Variants in PIEZO1 observed in about 807,000 individuals in gnomAD.
PIEZO1 encodes piezo-type mechanosensitive ion channel component 1.
In PIEZO1, 296 loss-of-function variants were observed where a neutral mutation model predicts 297.2. The ratio of observed to expected loss-of-function variants is 1.00; its 90% CI spans 0.91 to 1.10. The LOEUF (loss-of-function observed/expected upper bound fraction) is 1.10, where lower values mean the gene tolerates loss of function less well. PIEZO1 is among the 50% of genes least tolerant of loss of function. The pLI is 0.00. For missense variants in PIEZO1, 5,018 were observed against 3,455.5 expected, an observed-to-expected ratio of 1.45 and a Z score of -11.34; for synonymous variants, 2,427 against 1,507.5, an observed-to-expected ratio of 1.61 and a Z score of -14.13.
Position 88,720,752 on chromosome 16 carries a change from T to C in PIEZO1, c.5669-4A>G. 6.7e-7 allele frequency: 1 copy of C among 1,484,034 alleles called. No homozygotes were observed. 91.9% of individuals were successfully genotyped at this position (1,484,034 alleles called of 1,614,324 possible). On this transcript the variant is annotated splice_region_variant and splice_polypyrimidine_tract_variant and intron_variant, in intron 39 of 50. Transcript: ENST00000301015. Reference sequence around the variant, plus strand: ...TCTTCCTCCCTGTCCTCAGCTTCTGTAGGGAAAAGCTGACTTCTGCCTGGG... The same window carrying C: ...TCTTCCTCCCTGTCCTCAGCTTCTGCAGGGAAAAGCTGACTTCTGCCTGGG...
At position 88,719,537 on chromosome 16, in the gene PIEZO1, T is replaced by C. The variant is rs971022047; in HGVS notation, c.6471+37A>G. ...CTGTCTTAGGGAGAGGGCATATCCC[T>C]GGCCCTTGTCCCGGCCCCCGCCCTG... On this transcript the variant is annotated intron_variant, in intron 44 of 50. Transcript: ENST00000301015. The C allele has an allele frequency of 2.6e-6, 4 of 1,526,278 alleles. 1 individual carries two copies. The highest frequency in any genetic ancestry group is 2.8e-5 in the African/African-American group (2 of 72,600). 94.5% of individuals were successfully genotyped at this position (1,526,278 alleles called of 1,614,324 possible). A position where few individuals can be genotyped will look rare whatever the true frequency, so the allele number is the denominator to read the frequency against.
rs1912021253 is a variant in PIEZO1 at position 88,716,274 on chromosome 16, G to A, written c.7053C>T (p.Val2351=). The change falls in exon 49 of 51, where the codon GTC becomes GTT. Residue 2351 remains valine (V), a synonymous_variant. Transcript: ENST00000301015. ...LLEGTSDQSV[V]IPNLFPKYIR... is the part of the protein sequence containing the mutation. Reference sequence around the variant, plus strand: ...TGTACTTGGGGAAGAGATTAGGGATGACCCTGCAGGGAGGTGCTGGCAGGT... The same window carrying A: ...TGTACTTGGGGAAGAGATTAGGGATAACCCTGCAGGGAGGTGCTGGCAGGT... 1.3e-6 allele frequency: 2 copies of A among 1,488,698 alleles called. No homozygotes were observed. The highest frequency in any genetic ancestry group is 1.4e-5 in the African/African-American group (1 of 71,484). The allele number at this position is 1,488,698 out of a possible 1,614,324, so 92.2% of individuals were successfully genotyped here. A position where few individuals can be genotyped will look rare whatever the true frequency, so the allele number is the denominator to read the frequency against.
rs1419431631 is a variant in PIEZO1 at position 88,734,939 on chromosome 16, C to G, written c.1784G>C (p.Gly595Ala). 2.7e-5 allele frequency: 42 copies of G among 1,550,352 alleles called. No homozygotes were observed. Among genetic ancestry groups the G allele is most frequent in the Non-Finnish European group, 3.6e-5 (41 of 1,146,980 alleles). ...AGMFIVVSFA[G>A]RLVVYKIVYM... Reference sequence around the variant, plus strand: ...GACAATCTTGTAGACCACGAGGCGGCCGGCGAAGCTGACCACGATGAACAT... The same window carrying G: ...GACAATCTTGTAGACCACGAGGCGGGCGGCGAAGCTGACCACGATGAACAT... The change falls in exon 14 of 51, where the codon GGC (glycine) becomes GCC (alanine). Residue 595 changes from glycine to alanine, a missense_variant. By Grantham distance (60) the Gly-to-Ala change is moderately conservative. Coordinates refer to ENST00000301015, the MANE Select transcript of PIEZO1 (RefSeq NM_001142864.4).
chr16:88,741,048 G>C (rs1393171776), intron 5 of PIEZO1: 1 of 155,690 alleles, frequency 6.4e-6, no homozygotes, highest in East Asian at 1.9e-4. Flanking sequence ...TCGCTCCTGG[G>C]GTCCAGGCCC....
chr16:88,765,877 T>A (rs546383725), intron 1 of PIEZO1, among the ~76,000 whole-genome samples: 5 of 152,254 alleles, frequency 3.3e-5, no homozygotes, highest in Admixed American at 1.3e-4. Context: ...TTTCACCATG[T>A]TGGCCAGGCT....
Position 88,715,719 on chromosome 16 carries a change from G to GT in PIEZO1, c.7451_7452insA (p.Phe2485LeufsTer35). The GT allele has an allele frequency of 6.4e-7, 1 of 1,550,422 alleles. No homozygotes were observed. Among genetic ancestry groups the GT allele is most frequent in the Non-Finnish European group, 8.7e-7 (1 of 1,146,926 alleles). On this transcript the variant is annotated frameshift_variant, in exon 51 of 51. Coordinates refer to ENST00000301015, the MANE Select transcript of PIEZO1 (RefSeq NM_001142864.4). LOFTEE classifies it high-confidence loss of function. ...GCTCCCGAGTCTCCCGCACCAGGAA[G>GT]ATGTCCTGGCAGAGCTTGAGGATGC...
intron 21 of PIEZO1, 22 bp from the exon 22 acceptor site, chr16:88,731,932 G>A (rs1597454727): frequency 5.5e-6 from 8 of 1,464,734 alleles, no homozygotes; most frequent in East Asian, 2.6e-5. Context: ...AGAGGGCGGG[G>A]TGTGGGGATG....
chr16:88,747,603 G>C lies in PIEZO1; in HGVS notation c.160+1781C>G, dbSNP rs533590033. Among the ~76,000 whole-genome samples, 22 of 152,296 alleles carry C rather than the reference G, an allele frequency of 1.4e-4. No homozygotes were observed. In the South Asian group the frequency reaches 4.1e-3, roughly 29 times the overall value. On this transcript the variant is annotated intron_variant, in intron 2 of 50. Transcript: ENST00000301015. ...TGGGATGCTTCCAGCCAGATGTCGC[G>C]AGGCCGGAGAGCGACCTTCCACCTG... is the stretch of plus-strand genomic sequence containing the variant.
intron 1 of PIEZO1, among the ~76,000 whole-genome samples, chr16:88,764,192 C>A (rs761449135): frequency 1.3e-5 from 2 of 152,012 alleles, no homozygotes; most frequent in Non-Finnish European, 2.9e-5. Flanking sequence ...GGGCGGGGTA[C>A]GAAAGGGGAT....
Position 88,736,353 on chromosome 16 carries a change from C to T in PIEZO1, c.1352G>A (p.Cys451Tyr), listed in dbSNP as rs1005016944. ...WLTFVLLLWA[C>Y]LIWTVRSRHQ... ...GCGGCTGCGCACCGTCCAGATGAGGCAGGCCCAGAGCAGCAGTACGAAGGT... is the reference window on the plus strand; with the variant it reads ...GCGGCTGCGCACCGTCCAGATGAGGTAGGCCCAGAGCAGCAGTACGAAGGT... Residue 451 changes from cysteine to tyrosine, a missense_variant, in exon 12 of 51, where the codon TGC becomes TAC. By Grantham distance (194) the Cys-to-Tyr change is radical (BLOSUM62 -2). Transcript: ENST00000301015. The T allele has an allele frequency of 2.6e-6, 4 of 1,549,962 alleles. No homozygotes were observed. The African/African-American group carries it at 4.1e-5, about 16-fold the overall frequency.
intron 31 of PIEZO1, 112 bp from the exon 32 acceptor site, chr16:88,723,440 C>A (rs1022790499): frequency 1.6e-6 from 2 of 1,255,078 alleles, no homozygotes; most frequent in Admixed American, 4.2e-5. Flanking sequence ...CTGTGTCTCC[C>A]AGGGACCTCC....
Position 88,776,723 on chromosome 16 carries a change from C to A in PIEZO1, c.64+8178G>T, listed in dbSNP as rs987226423. Among the ~76,000 whole-genome samples the A allele has an allele frequency of 2.0e-5, 3 of 152,210 alleles. No individual in the cohort carries two copies. In the East Asian group the frequency reaches 5.8e-4, roughly 29 times the overall value. On this transcript the variant is annotated intron_variant, in intron 1 of 50. Transcript: ENST00000301015. The stretch of plus-strand genomic sequence containing the variant: ...GGGAGTGACCGCAGAAGGGCCAGGG[C>A]TTGGGGACAGGACTGTGGGGCTGGA...
chr16:88,741,351 C>G, intron 5 of PIEZO1, 127 bp downstream of exon 5: 1 of 918,654 alleles, frequency 1.1e-6, no homozygotes, highest in African/African-American at 1.7e-5. Context: ...TTCCTCCTCT[C>G]TTTAACACCA....
Position 88,717,408 on chromosome 16 carries a change from G to A in PIEZO1, c.6472-197C>T, listed in dbSNP as rs531378767. On this transcript the variant is annotated intron_variant, in intron 44 of 50. Transcript: ENST00000301015. ...GTTGGAACCCTCATGTTCAGGGGTC[G>A]TTGATCTTAGACAAGGGAGCTGTGA... is the stretch of plus-strand genomic sequence containing the variant. 503 of 646,442 alleles carry A rather than the reference G, an allele frequency of 7.8e-4. 1 individual carries two copies. The highest frequency in any genetic ancestry group is 3.6e-3 in the Middle Eastern group (9 of 2,520). 40.0% of individuals were successfully genotyped at this position (646,442 alleles called of 1,614,324 possible). A position where few individuals can be genotyped will look rare whatever the true frequency, so the allele number is the denominator to read the frequency against.
Position 88,722,941 on chromosome 16 carries a change from C to G in PIEZO1, c.4564G>C (p.Val1522Leu). 3 of 1,549,394 alleles carry G rather than the reference C, an allele frequency of 1.9e-6. No individual in the cohort carries two copies. Among genetic ancestry groups the G allele is most frequent in the African/African-American group, 1.4e-5 (1 of 73,148 alleles). ...QFLWMLGQAL[V>L]DELTRWLQEF... Reference sequence around the variant, plus strand: ...TGCAGCCAGCGTGTCAGCTCATCCACTAGCGCCTGCCCCAGCATCCACAGG... The same window carrying G: ...TGCAGCCAGCGTGTCAGCTCATCCAGTAGCGCCTGCCCCAGCATCCACAGG... The change falls in exon 34 of 51, where the codon GTG becomes CTG. Residue 1522 changes from valine to leucine, a missense_variant. Val to Leu is a conservative substitution (Grantham distance 32). Coordinates refer to ENST00000301015, the MANE Select transcript of PIEZO1 (RefSeq NM_001142864.4).
At position 88,736,624 on chromosome 16, in the gene PIEZO1, C is replaced by T; in HGVS notation, c.1296+15G>A. 6.6e-7 allele frequency: 1 copy of T among 1,521,008 alleles called. No homozygotes were observed. Among genetic ancestry groups the T allele is most frequent in the Non-Finnish European group, 8.8e-7 (1 of 1,137,948 alleles). 94.2% of individuals were successfully genotyped at this position (1,521,008 alleles called of 1,614,324 possible). A position where few individuals can be genotyped will look rare whatever the true frequency, so the allele number is the denominator to read the frequency against. Reference sequence around the variant, plus strand: ...GCAGAGGGGGCCGCCCACCCCAACCCCCACAGCCGCCTACCATCATGGCAA... The same window carrying T: ...GCAGAGGGGGCCGCCCACCCCAACCTCCACAGCCGCCTACCATCATGGCAA... On this transcript the variant is annotated intron_variant, in intron 11 of 50. Coordinates refer to ENST00000301015, the MANE Select transcript of PIEZO1 (RefSeq NM_001142864.4).
At position 88,737,602 on chromosome 16, in the gene PIEZO1, G is replaced by A. The variant is rs1032909939; in HGVS notation, c.1152C>T (p.Ile384=). The change falls in exon 10 of 51, where the codon ATC becomes ATT. Residue 384 remains isoleucine (I), a synonymous_variant. Transcript: ENST00000301015. ...TAPDTEADNC[I]VHELTGQSSV... ...AGCTCTGGCCGGTCAGCTCGTGCAC[G>A]ATGCAGTTATCAGCCTCGGTGTCGG... The A allele has an allele frequency of 1.6e-4, 250 of 1,534,722 alleles. No homozygotes were observed. Among genetic ancestry groups the A allele is most frequent in the Non-Finnish European group, 2.0e-4 (231 of 1,146,554 alleles).
intron 2 of PIEZO1, among the ~76,000 whole-genome samples, chr16:88,747,431 G>A (rs1473878298): frequency 2.0e-5 from 3 of 152,198 alleles, no homozygotes; most frequent in South Asian, 2.1e-4. Flanking sequence ...CGGGAGAATC[G>A]CTTGAACCCG....
chr16:88,755,612 T>G (rs1906616127), intron 1 of PIEZO1, among the ~76,000 whole-genome samples: 1 of 152,242 alleles, frequency 6.6e-6, no homozygotes, highest in South Asian at 2.1e-4. Context: ...ACCAACACAC[T>G]TGCTCTGTCT....
Sources: gnomAD v4.1 joint callset for allele counts (sites outside exome capture counted in the v4.1 genomes callset) on GRCh38, gnomAD v4.1.1 for gene constraint, MANE v1.5 for transcripts, NCBI Gene and HGNC (gene_info 2026-07-23, HGNC 2026-07-21) for gene names.